The following LRRC75A variants were observed in gnomAD, a reference collection of about 807,000 sequenced individuals.
LRRC75A encodes the protein leucine-rich repeat-containing protein 75A.
In LRRC75A, 12 loss-of-function variants were observed where a neutral mutation model predicts 26.0. That is an observed-to-expected ratio of 0.46 (90% CI 0.30 to 0.75). The LOEUF (loss-of-function observed/expected upper bound fraction) is 0.75, where lower values mean the gene tolerates loss of function less well. Among genes scored for constraint, LRRC75A ranks in the 30% least tolerant of loss-of-function variants. LRRC75A has a pLI of 0.08. For synonymous variants in LRRC75A, 223 were observed against 219.3 expected, an observed-to-expected ratio of 1.02 and a Z score of -0.15; for missense variants, 410 against 486.6, an observed-to-expected ratio of 0.84 and a Z score of 1.48.
intron 2 of LRRC75A, among the ~76,000 whole-genome samples, chr17:16,452,715 T>A (rs985942965): frequency 8.6e-5 from 13 of 152,032 alleles, no homozygotes; most frequent in African/African-American, 3.1e-4. Context: ...ATTACAGGTG[T>A]GAGCCACCCT....
chr17:16,466,027 C>T (rs571401675), intron 1 of LRRC75A, among the ~76,000 whole-genome samples: 1 of 152,360 alleles, frequency 6.6e-6, no homozygotes, highest in South Asian at 2.1e-4. Flanking sequence ...AAGGCCATGG[C>T]ACACATTATT....
At chr17:16,481,320 C>G (rs187166809) in intron 1 of LRRC75A, among the ~76,000 whole-genome samples, 8 of 152,180 alleles carry the variant, frequency 5.3e-5, no homozygotes, top group Admixed American at 2.0e-4. Flanking sequence ...ATGCTTCCCT[C>G]TCTGTGGCCC....
intron 1 of LRRC75A, among the ~76,000 whole-genome samples, chr17:16,489,290 G>T (rs898509672): frequency 6.6e-6 from 1 of 152,116 alleles, no homozygotes; most frequent in Non-Finnish European, 1.5e-5. Flanking sequence ...TACTGTCCTC[G>T]CTGCTGCCCC....
chr17:16,482,815 C>T (rs1182726378), intron 1 of LRRC75A, among the ~76,000 whole-genome samples: 2 of 152,262 alleles, frequency 1.3e-5, no homozygotes, highest in Non-Finnish European at 2.9e-5. Context: ...CTTGTCCCAA[C>T]TGGTGCCAGC....
At chr17:16,472,478 G>A (rs2093809676) in intron 1 of LRRC75A, among the ~76,000 whole-genome samples, 1 of 152,204 alleles carries the variant, frequency 6.6e-6, no homozygotes, top group African/African-American at 2.4e-5. Context: ...GCACCAGTGG[G>A]CTTGACTGCT....
Position 16,491,680 on chromosome 17 carries a change from C to T in LRRC75A, c.246+65G>A, listed in dbSNP as rs1420452627. 2.6e-6 allele frequency: 3 copies of T among 1,162,714 alleles called. No individual in the cohort carries two copies. The highest frequency in any genetic ancestry group is 4.5e-5 in the Admixed American group (1 of 22,466). 72.0% of individuals were successfully genotyped at this position (1,162,714 alleles called of 1,614,324 possible). ...CCGGCTTCCTCGGTTAGGGATGGGGCGCCCCCCCCGGCCCAGCACGCCCCC... is the reference window on the plus strand; with the variant it reads ...CCGGCTTCCTCGGTTAGGGATGGGGTGCCCCCCCCGGCCCAGCACGCCCCC... On this transcript the variant is annotated intron_variant, in intron 1 of 3. Coordinates refer to ENST00000470794, the MANE Select transcript of LRRC75A (RefSeq NM_001113567.3). This position sits in a 1 kb window ranked among gnomAD's most constrained non-coding sequence, Gnocchi z 5.9.
chr17:16,444,481 G>T (rs2093563674), intron 3 of LRRC75A, among the ~76,000 whole-genome samples: 1 of 152,190 alleles, frequency 6.6e-6, no homozygotes, highest in South Asian at 2.1e-4. Context: ...AACATTTGCT[G>T]CTGTATTCAT....
Position 16,443,328 on chromosome 17 carries a change from TGA to T in LRRC75A, c.*258_*259del. 4.2e-6 allele frequency: 2 copies of T among 476,086 alleles called. No individual in the cohort carries two copies. Among genetic ancestry groups the T allele is most frequent in the Non-Finnish European group, 7.5e-6 (2 of 268,162 alleles). The allele number at this position is 476,086 out of a possible 1,614,324, so 29.5% of individuals were successfully genotyped here. On this transcript the variant is annotated 3_prime_UTR_variant, in exon 4 of 4. Coordinates refer to ENST00000470794, the MANE Select transcript of LRRC75A (RefSeq NM_001113567.3). ...CTTTGGGGAAGGCCATGAGCTGAGC[TGA>T]GAGGGTTCTCTGGGGCCTGGGATGA...
intron 1 of LRRC75A, among the ~76,000 whole-genome samples, chr17:16,489,843 G>A (rs572088154): frequency 2.0e-5 from 3 of 152,330 alleles, no homozygotes; most frequent in African/African-American, 7.2e-5. Flanking sequence ...CACAGAAAAG[G>A]GGGAAGTCTG....
At chr17:16,447,141 C>G (rs1568948395) in intron 3 of LRRC75A, 4 of 228,266 alleles carry the variant, frequency 1.8e-5, no homozygotes, top group Non-Finnish European at 1.8e-5. Flanking sequence ...CTCCAGGAAG[C>G]CTTACTTCCA....
chr17:16,475,973 A>G (rs1223788382), intron 1 of LRRC75A, among the ~76,000 whole-genome samples: 2 of 152,112 alleles, frequency 1.3e-5, no homozygotes, highest in Non-Finnish European at 2.9e-5. Context: ...TGGGTGGATC[A>G]TGAGGTCAGG....
intron 2 of LRRC75A, among the ~76,000 whole-genome samples, chr17:16,457,233 TC>T (rs1385764034): frequency 1.3e-5 from 2 of 152,148 alleles, no homozygotes; most frequent in African/African-American, 4.8e-5. Context: ...ATCCATAAAT[TC>T]ATTCATACAT....
At position 16,491,746 on chromosome 17, in the gene LRRC75A, T is replaced by A; in HGVS notation, c.245A>T (p.Gln82Leu). The A allele has an allele frequency of 7.4e-7, 1 of 1,352,732 alleles. No homozygotes were observed. Among genetic ancestry groups the A allele is most frequent in the Non-Finnish European group, 9.5e-7 (1 of 1,048,374 alleles). The allele number at this position is 1,352,732 out of a possible 1,614,324, so 83.8% of individuals were successfully genotyped here. A position where few individuals can be genotyped will look rare whatever the true frequency, so the allele number is the denominator to read the frequency against. ...EAGTLLQHLR[Q>L]DLGMESTSLD... The stretch of plus-strand genomic sequence containing the variant: ...CCCGCGCCCCCTCCCCGCGCTCACC[T>A]GGCGCAGGTGCTGCAGCAGCGTCCC... Residue 82 changes from glutamine to leucine, a missense_variant and splice_region_variant, in exon 1 of 4, where the codon CAG becomes CTG. Coordinates refer to ENST00000470794, the MANE Select transcript of LRRC75A (RefSeq NM_001113567.3). The surrounding 1 kb of genome is among the most constrained non-coding windows in gnomAD (Gnocchi z 5.9).
intron 2 of LRRC75A, among the ~76,000 whole-genome samples, chr17:16,449,015 A>G (rs1319193003): frequency 6.6e-6 from 1 of 152,250 alleles, no homozygotes; most frequent in Non-Finnish European, 1.5e-5. Flanking sequence ...CGTGCTGGAC[A>G]GGGTGAGGGC....
At chr17:16,450,675 G>A (rs1395964062) in intron 2 of LRRC75A, among the ~76,000 whole-genome samples, 1 of 152,248 alleles carries the variant, frequency 6.6e-6, no homozygotes, top group East Asian at 1.9e-4. Flanking sequence ...ACTGTGTGGA[G>A]GGAAGCAAGG....
chr17:16,443,566 G>C lies in LRRC75A; in HGVS notation c.*22C>G, dbSNP rs1157546471. The C allele has an allele frequency of 1.3e-5, 19 of 1,492,994 alleles. No homozygotes were observed. The highest frequency in any genetic ancestry group is 1.5e-5 in the Non-Finnish European group (17 of 1,112,866). 92.5% of individuals were successfully genotyped at this position (1,492,994 alleles called of 1,614,324 possible). A position where few individuals can be genotyped will look rare whatever the true frequency, so the allele number is the denominator to read the frequency against. ...CCATTCTACCCAACAAGGACTCCCT[G>C]GTGAGGCCCTTCACTTCCATGTCAC... On this transcript the variant is annotated 3_prime_UTR_variant, in exon 4 of 4. Transcript: ENST00000470794.
intron 1 of LRRC75A, among the ~76,000 whole-genome samples, chr17:16,483,230 C>G (rs1485828047): frequency 6.6e-6 from 1 of 152,240 alleles, no homozygotes; most frequent in Non-Finnish European, 1.5e-5. Context: ...CAGGGCAGCT[C>G]GGGCCTCTGT....
At position 16,443,353 on chromosome 17, in the gene LRRC75A, T is replaced by C; in HGVS notation, c.*235A>G. 1 of 490,458 alleles carries C rather than the reference T, an allele frequency of 2.0e-6. No homozygotes were observed. The highest frequency in any genetic ancestry group is 3.6e-6 in the Non-Finnish European group (1 of 277,896). The allele number at this position is 490,458 out of a possible 1,614,324, so 30.4% of individuals were successfully genotyped here. A position where few individuals can be genotyped will look rare whatever the true frequency, so the allele number is the denominator to read the frequency against. On this transcript the variant is annotated 3_prime_UTR_variant, in exon 4 of 4. Transcript: ENST00000470794. ...TGAGAGGGTTCTCTGGGGCCTGGGA[T>C]GACTTAAGAACCAAATGGCAGATAA...
In LRRC75A at chr17:16,462,182, C is replaced by T. The variant is rs2093732480; in HGVS notation, c.375+76G>A. 2.6e-6 allele frequency: 4 copies of T among 1,563,354 alleles called. No homozygotes were observed. The highest frequency in any genetic ancestry group is 2.7e-5 in the African/African-American group (2 of 74,100). On this transcript the variant is annotated intron_variant, in intron 2 of 3. Transcript: ENST00000470794. The surrounding 1 kb of genome is among the most constrained non-coding windows in gnomAD (Gnocchi z 4.6). ...GGCCTGTCTGCCAGTCCTCCTTGGG[C>T]ATACAGCTGCTCTGCCCAGAAAGGC...
Sources: gnomAD v4.1 joint callset for allele counts (sites outside exome capture counted in the v4.1 genomes callset) on GRCh38, gnomAD v4.1.1 for gene constraint, Gnocchi (gnomAD v3.1) non-coding constraint, MANE v1.5 for transcripts, NCBI Gene and HGNC (gene_info 2026-07-23, HGNC 2026-07-21) for gene names.